The following PPM1H variants were observed in gnomAD, a reference collection of about 807,000 sequenced individuals.
The protein encoded by PPM1H is protein phosphatase 1H.
A neutral mutation model predicts 54.9 loss-of-function variants in PPM1H; 27 were observed. That is an observed-to-expected ratio of 0.49 (90% CI 0.36 to 0.68). The LOEUF (loss-of-function observed/expected upper bound fraction) is 0.68. Ranked by LOEUF, PPM1H falls within the 30% of genes least tolerant of loss-of-function variation. The pLI, the probability that PPM1H is intolerant of heterozygous loss-of-function variation, is 0.00. For missense variants in PPM1H, 596 were observed against 667.8 expected, an observed-to-expected ratio of 0.89 and a Z score of 1.19; for synonymous variants, 305 against 270.8, an observed-to-expected ratio of 1.13 and a Z score of -1.24.
At chr12:62,707,460 G>C (rs547461649) in intron 6 of PPM1H, among the ~76,000 whole-genome samples, 1 of 152,300 alleles carries the variant, frequency 6.6e-6, no homozygotes, top group Non-Finnish European at 1.5e-5. Flanking sequence ...AGCCCAGGCT[G>C]CCCAGCGCTC....
At chr12:62,745,688 A>C (rs542919830) in intron 4 of PPM1H, among the ~76,000 whole-genome samples, 3 of 152,334 alleles carry the variant, frequency 2.0e-5, no homozygotes, top group South Asian at 4.1e-4. Context: ...CTTCTTAGAA[A>C]AATAAGAACT....
At chr12:62,807,044 C>T (rs189157033) in intron 2 of PPM1H, among the ~76,000 whole-genome samples, 1 of 152,070 alleles carries the variant, frequency 6.6e-6, no homozygotes, top group Non-Finnish European at 1.5e-5. Flanking sequence ...GAATCCCAAG[C>T]AGTAGCAACA....
rs989819615 is a variant in PPM1H, at chr12:62,647,310, T to C, written c.*1179A>G. The C allele has an allele frequency of 2.0e-5, 3 of 152,182 alleles. No individual in the cohort carries two copies. The highest frequency in any genetic ancestry group is 7.2e-5 in the African/African-American group (3 of 41,432). 9.4% of individuals were successfully genotyped at this position (152,182 alleles called of 1,614,324 possible). Reference sequence around the variant, plus strand: ...GTCAACCCATTTCAAATTCTTTTATTAAAGTGCCCCCCGAGGGGCCTTGCA... The same window carrying C: ...GTCAACCCATTTCAAATTCTTTTATCAAAGTGCCCCCCGAGGGGCCTTGCA... On this transcript the variant is annotated 3_prime_UTR_variant, in exon 10 of 10. Transcript: ENST00000228705.
chr12:62,846,486 C>A (rs1006099575), intron 1 of PPM1H, among the ~76,000 whole-genome samples: 8 of 149,446 alleles, frequency 5.4e-5, no homozygotes, highest in Non-Finnish European at 1.2e-4. Flanking sequence ...GGCAACAGAG[C>A]GAGATTCCGC....
rs753269948 is a variant in PPM1H, at chr12:62,694,006, G to C, written c.1074-7C>G. 2 of 1,610,416 alleles carry C rather than the reference G, an allele frequency of 1.2e-6. No homozygotes were observed. Among genetic ancestry groups the C allele is most frequent in the Non-Finnish European group, 1.7e-6 (2 of 1,178,260 alleles). On this transcript the variant is annotated splice_region_variant and splice_polypyrimidine_tract_variant and intron_variant, in intron 6 of 9. Transcript: ENST00000228705. ...CTCAATGGTTTTGTATGCCCTGTAGGGGATAAACAACATTTTAAAAAAGGT... is the reference window on the plus strand; with the variant it reads ...CTCAATGGTTTTGTATGCCCTGTAGCGGATAAACAACATTTTAAAAAAGGT...
At chr12:62,668,850 G>T (rs907250288) in intron 8 of PPM1H, among the ~76,000 whole-genome samples, 1 of 152,232 alleles carries the variant, frequency 6.6e-6, no homozygotes, top group African/African-American at 2.4e-5. Context: ...TTTTAGAAAG[G>T]TTTGTCCAGG....
chr12:62,832,375 C>T (rs957347654), intron 1 of PPM1H, 96 bp from the exon 2 acceptor site: 1 of 1,154,662 alleles, frequency 8.7e-7, no homozygotes, highest in Non-Finnish European at 1.2e-6. Context: ...CTACAACTGG[C>T]CCAGAACTAC....
At chr12:62,684,607 C>T (rs1176708497) in intron 8 of PPM1H, among the ~76,000 whole-genome samples, 1 of 152,134 alleles carries the variant, frequency 6.6e-6, no homozygotes, top group East Asian at 1.9e-4. Flanking sequence ...AGAATTCAAA[C>T]ACATTCCACC....
At chr12:62,703,949 C>T (rs1029261769) in intron 6 of PPM1H, among the ~76,000 whole-genome samples, 1 of 148,946 alleles carries the variant, frequency 6.7e-6, no homozygotes, top group Non-Finnish European at 1.5e-5. Flanking sequence ...GCTCTTCCCC[C>T]CTCACTACAT....
Position 62,934,803 on chromosome 12 carries a change from GGGGCATGCAGGCTGCGGTGGGCGCC to G in PPM1H, c.-92_-68del, listed in dbSNP as rs1872274980. The stretch of plus-strand genomic sequence containing the variant: ...GCGGGGGCCGGGCAAGGCGCAGCGC[GGGGCATGCAGGCTGCGGTGGGCGCC>G]GGGCGCACGGCGAGTCGGGCCACTG... On this transcript the variant is annotated 5_prime_UTR_variant, in exon 1 of 10. The change abolishes an upstream ATG in the 5' untranslated region. Coordinates refer to ENST00000228705, the MANE Select transcript of PPM1H (RefSeq NM_020700.2). The surrounding 1 kb of genome is among the most constrained non-coding windows in gnomAD (Gnocchi z 4.2). 1 of 1,327,794 alleles carries G rather than the reference GGGGCATGCAGGCTGCGGTGGGCGCC, an allele frequency of 7.5e-7. No homozygotes were observed. The allele number at this position is 1,327,794 out of a possible 1,614,324, so 82.3% of individuals were successfully genotyped here.
chr12:62,678,691 C>CT (rs113290051), intron 8 of PPM1H, among the ~76,000 whole-genome samples: 23,549 of 148,566 alleles, frequency 0.16, 2,311 homozygotes, highest in East Asian at 0.27. Context: ...CTTCTGCATA[C>CT]TTTTTTTTTT....
chr12:62,660,877 CAG>C (rs770915712), intron 9 of PPM1H, among the ~76,000 whole-genome samples: 8 of 152,176 alleles, frequency 5.3e-5, no homozygotes, highest in Admixed American at 1.3e-4. Context: ...AAGGAACACA[CAG>C]GGGTAGGAAA....
intron 4 of PPM1H, among the ~76,000 whole-genome samples, chr12:62,783,289 C>T (rs1416211255): frequency 6.6e-6 from 1 of 152,206 alleles, no homozygotes; most frequent in Non-Finnish European, 1.5e-5. Flanking sequence ...TTAAAATAGC[C>T]TCTAAGGCAG....
At chr12:62,785,533 T>C (rs182107619) in intron 4 of PPM1H, among the ~76,000 whole-genome samples, 73 of 152,350 alleles carry the variant, frequency 4.8e-4, no homozygotes, top group African/African-American at 1.7e-3. Context: ...TACATTAACA[T>C]TTCCAAAACA....
At chr12:62,687,506 C>T (rs776175789) in intron 8 of PPM1H, among the ~76,000 whole-genome samples, 3 of 151,896 alleles carry the variant, frequency 2.0e-5, no homozygotes, top group East Asian at 1.9e-4. Context: ...CTGCCTTAGC[C>T]GCCCAAAGTG....
At chr12:62,719,754 A>G (rs2076253813) in intron 6 of PPM1H, among the ~76,000 whole-genome samples, 1 of 152,238 alleles carries the variant, frequency 6.6e-6, no homozygotes, top group African/African-American at 2.4e-5. Flanking sequence ...GAGGTTAAGC[A>G]ATTTAACCAA....
chr12:62,782,097 G>C (rs2076646310), intron 4 of PPM1H, among the ~76,000 whole-genome samples: 1 of 152,182 alleles, frequency 6.6e-6, no homozygotes, highest in Non-Finnish European at 1.5e-5. Context: ...AATGGCTTAA[G>C]ATCAAATATA....
intron 8 of PPM1H, among the ~76,000 whole-genome samples, chr12:62,684,631 A>C (rs2076041452): frequency 6.6e-6 from 1 of 152,114 alleles, no homozygotes; most frequent in South Asian, 2.1e-4. Flanking sequence ...AGCCCCCTAC[A>C]ACTGTTAAAA....
intron 3 of PPM1H, among the ~76,000 whole-genome samples, chr12:62,792,058 C>G (rs1251344529): frequency 6.6e-6 from 1 of 152,192 alleles, no homozygotes; most frequent in Admixed American, 6.5e-5. Flanking sequence ...GCAAAAAGTC[C>G]ACGTAACAGG....
Sources: gnomAD v4.1 joint callset for allele counts (sites outside exome capture counted in the v4.1 genomes callset) on GRCh38, gnomAD v4.1.1 for gene constraint, Gnocchi (gnomAD v3.1) non-coding constraint, MANE v1.5 for transcripts, NCBI Gene and HGNC (gene_info 2026-07-23, HGNC 2026-07-21) for gene names.